ROBO1: variants seen among roughly 807,000 people sequenced by gnomAD.
ROBO1 encodes the protein roundabout homolog 1.
ROBO1 carries 149 observed loss-of-function variants against 195.9 expected under a neutral mutation model. The observed-to-expected ratio is 0.76, with a 90% confidence interval of 0.67 to 0.87. ROBO1 has a LOEUF of 0.87. Among genes scored for constraint, ROBO1 ranks in the 40% least tolerant of loss-of-function variants. The pLI is 0.00. For missense variants in ROBO1, 1,933 were observed against 2,068.3 expected (o/e 0.93, Z 1.27); for synonymous variants, 816 against 733.2 (o/e 1.11, Z -1.82).
Position 79,047,824 on chromosome 3 carries a change from A to C in ROBO1, c.172+77632T>G, listed in dbSNP as rs550869204. On this transcript the variant is annotated intron_variant, in intron 3 of 30. Transcript: ENST00000464233. ...AGGACGTCCTAGAAGAAAGATGAGG[A>C]GACTGCAGTATGAAGCAACAGAGGC... Among the ~76,000 whole-genome samples the C allele has an allele frequency of 1.4e-4, 22 of 152,212 alleles. No individual in the cohort carries two copies. The South Asian group carries it at 4.6e-3, about 32-fold the overall frequency.
intron 2 of ROBO1, among the ~76,000 whole-genome samples, chr3:79,244,560 C>CA (rs2082587071): frequency 6.6e-6 from 1 of 152,022 alleles, no homozygotes; most frequent in African/African-American, 2.4e-5. Context: ...AAACAGTTGT[C>CA]AAATGTGTTT....
At chr3:79,740,262 C>A (rs1703584772) in intron 1 of ROBO1, among the ~76,000 whole-genome samples, 1 of 143,934 alleles carries the variant, frequency 6.9e-6, no homozygotes, top group African/African-American at 2.5e-5. Context: ...TACTGAACTG[C>A]ATACTCTAGT....
chr3:79,247,577 C>T (rs1276601335), intron 2 of ROBO1, among the ~76,000 whole-genome samples: 3 of 151,664 alleles, frequency 2.0e-5, no homozygotes, highest in Non-Finnish European at 4.4e-5. Context: ...ACGGAATCTC[C>T]CCAACTTGCT....
intron 1 of ROBO1, among the ~76,000 whole-genome samples, chr3:79,688,186 A>C (rs1362100202): frequency 1.5e-5 from 2 of 129,620 alleles, no homozygotes; most frequent in Non-Finnish European, 3.1e-5. Flanking sequence ...ACATGGACAC[A>C]GGAAGGGGAA....
chr3:78,651,879 G>A lies in ROBO1; in HGVS notation c.2665C>T (p.Gln889Ter). The A allele has an allele frequency of 6.2e-7, 1 of 1,613,714 alleles. No homozygotes were observed. Among genetic ancestry groups the A allele is most frequent in the Non-Finnish European group, 8.5e-7 (1 of 1,179,718 alleles). Residue 889 changes from glutamine to a stop codon, truncating the protein, a stop_gained, in exon 19 of 31, where the codon CAG becomes TAG. Coordinates refer to ENST00000464233, the MANE Select transcript of ROBO1 (RefSeq NM_002941.4). LOFTEE classifies it high-confidence loss of function. ...SPEDQVSLAQ[Q>*]ISDVVKQPAF... ...GGCTGCTTCACCACATCTGAAATCT[G>A]CTGAGCGAGGCTGACTTGGTCCTCA... is the stretch of plus-strand genomic sequence containing the variant.
At chr3:79,065,306 G>A (rs2078986550) in intron 3 of ROBO1, among the ~76,000 whole-genome samples, 1 of 151,934 alleles carries the variant, frequency 6.6e-6, no homozygotes, top group Non-Finnish European at 1.5e-5. Context: ...TCTTGAGTAA[G>A]GAAGAGAGGA....
At chr3:79,212,103 T>C (rs1240177872) in intron 2 of ROBO1, among the ~76,000 whole-genome samples, 1 of 152,216 alleles carries the variant, frequency 6.6e-6, no homozygotes, top group Non-Finnish European at 1.5e-5. Context: ...TGTTTGTGGT[T>C]TAAGAACGCC....
chr3:79,561,108 AT>A (rs1441810204), intron 2 of ROBO1, among the ~76,000 whole-genome samples: 8 of 151,302 alleles, frequency 5.3e-5, no homozygotes, highest in Admixed American at 2.0e-4. Flanking sequence ...CAGAAAAAAA[AT>A]ATATGACCTT....
chr3:79,220,768 T>G (rs1397589329), intron 2 of ROBO1, among the ~76,000 whole-genome samples: 1 of 152,050 alleles, frequency 6.6e-6, no homozygotes, highest in Non-Finnish European at 1.5e-5. Flanking sequence ...TGTGACATTT[T>G]TCTAGGTAAA....
Position 78,600,339 on chromosome 3 carries a change from G to A in ROBO1, c.4745-30C>T, listed in dbSNP as rs746131549. On this transcript the variant is annotated intron_variant, in intron 29 of 30. Transcript: ENST00000464233. ...GTAATGAAATATAATAAATGCAGGT[G>A]AGTACCATCATACACTTTCACTGTA... is the stretch of plus-strand genomic sequence containing the variant. 6 of 1,392,498 alleles carry A rather than the reference G, an allele frequency of 4.3e-6. No individual in the cohort carries two copies. The Admixed American group carries it at 5.1e-5, about 12-fold the overall frequency. 86.3% of individuals were successfully genotyped at this position (1,392,498 alleles called of 1,614,324 possible).
At chr3:79,710,063 T>C (rs1702212518) in intron 1 of ROBO1, among the ~76,000 whole-genome samples, 1 of 151,894 alleles carries the variant, frequency 6.6e-6, no homozygotes, top group Non-Finnish European at 1.5e-5. Flanking sequence ...AGGGCTGACA[T>C]GAGAATTTAT....
At chr3:79,651,038 A>G (rs569174344) in intron 1 of ROBO1, among the ~76,000 whole-genome samples, 1 of 152,216 alleles carries the variant, frequency 6.6e-6, no homozygotes, top group African/African-American at 2.4e-5. Flanking sequence ...TTCAATTATT[A>G]TTAGAAAATG....
intron 2 of ROBO1, among the ~76,000 whole-genome samples, chr3:79,266,074 G>A (rs2029916745): frequency 6.6e-6 from 1 of 151,390 alleles, no homozygotes. Flanking sequence ...TAATACCATT[G>A]TAAATCAATG....
chr3:79,746,586 A>G lies in ROBO1; in HGVS notation c.-51+21166T>C, dbSNP rs576833800. ...TTTCTACCTCACTTTTCCTGTCCTG[A>G]TATCAATTTCCATTTCAGGGCCTCT... On this transcript the variant is annotated intron_variant, in intron 1 of 30. Coordinates refer to ENST00000464233, the MANE Select transcript of ROBO1 (RefSeq NM_002941.4). 5.5e-4 allele frequency among the ~76,000 whole-genome samples: 84 copies of G among 152,182 alleles called. 1 individual carries two copies. Among genetic ancestry groups the G allele is most frequent in the African/African-American group, 1.9e-3 (81 of 41,564 alleles).
At chr3:78,818,497 C>G (rs539790718) in intron 4 of ROBO1, among the ~76,000 whole-genome samples, 33 of 152,318 alleles carry the variant, frequency 2.2e-4, no homozygotes, top group African/African-American at 7.9e-4. Context: ...ATGATGCACA[C>G]TTGGGCTTGG....
intron 2 of ROBO1, among the ~76,000 whole-genome samples, chr3:79,166,307 A>T (rs1419135884): frequency 1.3e-5 from 2 of 152,174 alleles, no homozygotes; most frequent in African/African-American, 4.8e-5. Flanking sequence ...GCCCTTGACT[A>T]AATTTTGGAC....
chr3:78,607,044 A>G lies in ROBO1; in HGVS notation c.4436-3T>C, dbSNP rs1703506676. On this transcript the variant is annotated splice_polypyrimidine_tract_variant and splice_region_variant and intron_variant, in intron 28 of 30. Coordinates refer to ENST00000464233, the MANE Select transcript of ROBO1 (RefSeq NM_002941.4). ...CGGCACAGGAGGTGGTGGAAGATCT[A>G]AAAAGAAACATTAAAAATACTACTG... 1 of 1,604,520 alleles carries G rather than the reference A, an allele frequency of 6.2e-7. No homozygotes were observed. Among genetic ancestry groups the G allele is most frequent in the East Asian group, 2.2e-5 (1 of 44,670 alleles).
intron 4 of ROBO1, among the ~76,000 whole-genome samples, chr3:78,811,737 C>T (rs1227836128): frequency 2.6e-5 from 4 of 151,960 alleles, no homozygotes; most frequent in East Asian, 1.9e-4. Context: ...ATACTGTGTC[C>T]GACATGCCAG....
intron 5 of ROBO1, among the ~76,000 whole-genome samples, chr3:78,744,401 C>G (rs1207659542): frequency 6.6e-6 from 1 of 152,192 alleles, no homozygotes; most frequent in Middle Eastern, 3.2e-3. Flanking sequence ...ACCATTGCCA[C>G]GTTTCAGTGT....
Sources: gnomAD v4.1 joint callset for allele counts (sites outside exome capture counted in the v4.1 genomes callset) on GRCh38, gnomAD v4.1.1 for gene constraint, MANE v1.5 for transcripts, NCBI Gene and HGNC (gene_info 2026-07-23, HGNC 2026-07-21) for gene names.